Variants in XYLT1 observed in about 807,000 individuals in gnomAD.
XYLT1 encodes the protein xylosyltransferase 1, also known as beta-D-xylosyltransferase 1.
Under a neutral mutation model 91.3 loss-of-function variants are expected in XYLT1, and 36 were observed. The observed-to-expected ratio is 0.39, with a 90% CI of 0.30 to 0.52. The LOEUF is 0.52. Ranked by LOEUF, XYLT1 falls within the 20% of genes least tolerant of loss-of-function variation. XYLT1 has a pLI of 0.68. For synonymous variants in XYLT1, 588 were observed against 532.0 expected (o/e 1.11, Z -1.45); for missense variants, 1,242 against 1,284.5 (o/e 0.97, Z 0.51).
intron 1 of XYLT1, among the ~76,000 whole-genome samples, chr16:17,416,453 C>T (rs765354986): frequency 6.6e-6 from 1 of 152,210 alleles, no homozygotes; most frequent in Non-Finnish European, 1.5e-5. Flanking sequence ...CCTGGTTCCT[C>T]ACACGGGGCC....
chr16:17,268,953 G>A (rs925303529), intron 2 of XYLT1, among the ~76,000 whole-genome samples: 4 of 152,084 alleles, frequency 2.6e-5, no homozygotes, highest in Non-Finnish European at 4.4e-5. Flanking sequence ...AATTACAGGC[G>A]TGAGCCACTG....
At chr16:17,436,727 T>C (rs1322268388) in intron 1 of XYLT1, among the ~76,000 whole-genome samples, 2 of 152,232 alleles carry the variant, frequency 1.3e-5, no homozygotes, top group African/African-American at 4.8e-5. Flanking sequence ...TTAAATGAGA[T>C]GCAGTGGAGA....
At chr16:17,273,942 C>T (rs117139572) in intron 2 of XYLT1, among the ~76,000 whole-genome samples, 5 of 151,950 alleles carry the variant, frequency 3.3e-5, no homozygotes, top group East Asian at 1.9e-4. Context: ...GACAGGGTCT[C>T]GATCTGTCGT....
intron 1 of XYLT1, among the ~76,000 whole-genome samples, chr16:17,416,393 TA>T (rs1221891948): frequency 6.6e-6 from 1 of 152,130 alleles, no homozygotes; most frequent in Non-Finnish European, 1.5e-5. Flanking sequence ...GGGAAAAGTA[TA>T]AACTCCCTAG....
At chr16:17,410,477 G>A (rs973110345) in intron 1 of XYLT1, among the ~76,000 whole-genome samples, 1 of 152,032 alleles carries the variant, frequency 6.6e-6, no homozygotes, top group Admixed American at 6.6e-5. Context: ...AAAACCATCA[G>A]ATCTCATGAG....
At chr16:17,297,352 A>G (rs943023625) in intron 2 of XYLT1, among the ~76,000 whole-genome samples, 2 of 151,958 alleles carry the variant, frequency 1.3e-5, no homozygotes, top group Non-Finnish European at 2.9e-5. Context: ...GGATCACTTG[A>G]GGCCAGGAGT....
intron 1 of XYLT1, among the ~76,000 whole-genome samples, chr16:17,456,597 T>A (rs2036746457): frequency 6.6e-6 from 1 of 152,100 alleles, no homozygotes; most frequent in Non-Finnish European, 1.5e-5. Flanking sequence ...CACCTAGGCC[T>A]CCCAAAGCGC....
intron 3 of XYLT1, among the ~76,000 whole-genome samples, chr16:17,252,714 G>T (rs537843210): frequency 1.3e-5 from 2 of 152,298 alleles, no homozygotes; most frequent in African/African-American, 4.8e-5. Flanking sequence ...TCCCTGAGTG[G>T]TGGTGGGGTG....
At chr16:17,361,444 A>T (rs560621139) in intron 1 of XYLT1, among the ~76,000 whole-genome samples, 1 of 152,360 alleles carries the variant, frequency 6.6e-6, no homozygotes, top group South Asian at 2.1e-4. Flanking sequence ...CTAAACACTG[A>T]CCTCGATAGA....
intron 5 of XYLT1, among the ~76,000 whole-genome samples, chr16:17,161,675 G>GCTCTCTCTCT (rs111901583): frequency 8.5e-4 from 80 of 94,616 alleles, no homozygotes; most frequent in Middle Eastern, 9.8e-3. Flanking sequence ...AGTTTCTCGC[G>GCTCTCTCTCT]CGCTCTCTCT....
At chr16:17,275,840 G>T (rs367739758) in intron 2 of XYLT1, among the ~76,000 whole-genome samples, 204 of 152,250 alleles carry the variant, frequency 1.3e-3, no homozygotes, top group African/African-American at 4.7e-3. Context: ...TCCTTTGCCT[G>T]TGTGGGCCCT....
chr16:17,159,909 CTGA>C (rs2031506071), intron 5 of XYLT1, among the ~76,000 whole-genome samples: 1 of 152,224 alleles, frequency 6.6e-6, no homozygotes, highest in South Asian at 2.1e-4. Flanking sequence ...GTAAATGGTG[CTGA>C]TGTGACAGCT....
chr16:17,225,028 A>G (rs1046808956), intron 3 of XYLT1, among the ~76,000 whole-genome samples: 5 of 152,060 alleles, frequency 3.3e-5, no homozygotes, highest in Non-Finnish European at 4.4e-5. Flanking sequence ...CTTGTGGGCT[A>G]TCATTTGCCA....
chr16:17,404,153 C>A (rs1167240717), intron 1 of XYLT1, among the ~76,000 whole-genome samples: 1 of 152,052 alleles, frequency 6.6e-6, no homozygotes, highest in Non-Finnish European at 1.5e-5. Flanking sequence ...CCAGGAGGGA[C>A]TCAGGGCCCA....
chr16:17,113,066 C>T (rs925665332), intron 11 of XYLT1, among the ~76,000 whole-genome samples: 7 of 150,450 alleles, frequency 4.7e-5, no homozygotes, highest in Admixed American at 2.0e-4. Context: ...CTTGAACTCC[C>T]GAGCTCAGGT....
intron 2 of XYLT1, among the ~76,000 whole-genome samples, chr16:17,351,105 C>T (rs1424854032): frequency 6.6e-6 from 1 of 152,158 alleles, no homozygotes; most frequent in Non-Finnish European, 1.5e-5. Context: ...GGTTTCTTCT[C>T]CCATAATGAT....
At chr16:17,326,877 A>T (rs1168938826) in intron 2 of XYLT1, among the ~76,000 whole-genome samples, 1 of 152,008 alleles carries the variant, frequency 6.6e-6, no homozygotes, top group Non-Finnish European at 1.5e-5. Context: ...AACACACAGG[A>T]CCTCTTATGC....
At chr16:17,142,305 G>T (rs1413124775) in intron 6 of XYLT1, among the ~76,000 whole-genome samples, 2 of 152,096 alleles carry the variant, frequency 1.3e-5, no homozygotes, top group Non-Finnish European at 2.9e-5. Flanking sequence ...GATTATAGGT[G>T]TGAGCTACTG....
At chr16:17,279,658 G>T (rs1253584574) in intron 2 of XYLT1, among the ~76,000 whole-genome samples, 1 of 152,216 alleles carries the variant, frequency 6.6e-6, no homozygotes, top group Non-Finnish European at 1.5e-5. Context: ...GGGCTGAGGG[G>T]TCAGCTTCTT....
Sources: gnomAD v4.1 joint callset for allele counts (sites outside exome capture counted in the v4.1 genomes callset) on GRCh38, gnomAD v4.1.1 for gene constraint, MANE v1.5 for transcripts, NCBI Gene and HGNC (gene_info 2026-07-23, HGNC 2026-07-21) for gene names.